Variants in FAIM2 observed in about 807,000 individuals in gnomAD.
FAIM2 encodes the protein protein lifeguard 2.
FAIM2 carries 27 observed loss-of-function variants against 47.4 expected under a neutral mutation model. That is an observed-to-expected ratio of 0.57 (90% CI 0.42 to 0.78). The LOEUF is 0.78. Ranked by LOEUF, FAIM2 falls within the 30% of genes least tolerant of loss-of-function variation. The pLI is 0.00. For missense variants in FAIM2, 311 were observed against 389.4 expected, an observed-to-expected ratio of 0.80 and a Z score of 1.69; for synonymous variants, 156 against 159.3, an observed-to-expected ratio of 0.98 and a Z score of 0.16.
intron 11 of FAIM2, among the ~76,000 whole-genome samples, chr12:49,880,490 GTGTA>G (rs1470338282): frequency 2.3e-5 from 2 of 87,806 alleles, no homozygotes; most frequent in Admixed American, 1.3e-4. Context: ...GTGTATGCAT[GTGTA>G]TGTGTGTGTA....
At chr12:49,903,556 G>A (rs1345511181) in intron 1 of FAIM2, among the ~76,000 whole-genome samples, 1 of 152,254 alleles carries the variant, frequency 6.6e-6, no homozygotes, top group East Asian at 1.9e-4. Flanking sequence ...AGCAGGGGTG[G>A]CAGGGTGACA....
At chr12:49,893,223 C>T (rs540043933) in intron 5 of FAIM2, among the ~76,000 whole-genome samples, 1 of 152,062 alleles carries the variant, frequency 6.6e-6, no homozygotes, top group South Asian at 2.1e-4. Flanking sequence ...TGCATTCCCA[C>T]CCACCCCTCT....
intron 5 of FAIM2, among the ~76,000 whole-genome samples, chr12:49,896,082 G>A (rs765731205): frequency 2.6e-5 from 4 of 152,206 alleles, no homozygotes; most frequent in Non-Finnish European, 5.9e-5. Context: ...TGTGGGCTGC[G>A]TGTACAGGCT....
chr12:49,898,059 G>T lies in FAIM2; in HGVS notation c.243C>A (p.Pro81=). 1 of 1,613,934 alleles carries T rather than the reference G, an allele frequency of 6.2e-7. No individual in the cohort carries two copies. Among genetic ancestry groups the T allele is most frequent in the South Asian group, 1.1e-5 (1 of 91,064 alleles). ...SSSSSYDNGF[P]TGDHELFTTF... ...TGGTGAAGAGCTCATGGTCTCCGGT[G>T]GGGAAACCGTTGTCATAGCTGGAGC... The change falls in exon 3 of 12, where the codon CCC becomes CCA. Residue 81 remains proline (P), a synonymous_variant. Coordinates refer to ENST00000320634, the MANE Select transcript of FAIM2 (RefSeq NM_012306.4).
At chr12:49,888,549 G>A (rs892331688) in intron 10 of FAIM2, among the ~76,000 whole-genome samples, 1 of 152,158 alleles carries the variant, frequency 6.6e-6, no homozygotes, top group Non-Finnish European at 1.5e-5. Context: ...GGGCCTGGGT[G>A]CCTGCAGAGT....
rs1388323815 is a variant in FAIM2, at chr12:49,868,855, T to A, written c.*1649A>T. On this transcript the variant is annotated 3_prime_UTR_variant, in exon 12 of 12. Coordinates refer to ENST00000320634, the MANE Select transcript of FAIM2 (RefSeq NM_012306.4). ...CTGCACACACACCACCCGCCAGTTC[T>A]TGGCTCCTTTTCTCTTCAAATATCC... 1 of 152,332 alleles carries A rather than the reference T, an allele frequency of 6.6e-6. No individual in the cohort carries two copies. Among genetic ancestry groups the A allele is most frequent in the African/African-American group, 2.4e-5 (1 of 41,460 alleles). 9.4% of individuals were successfully genotyped at this position (152,332 alleles called of 1,614,324 possible).
chr12:49,881,358 C>G (rs1946824642), intron 11 of FAIM2, among the ~76,000 whole-genome samples: 1 of 152,200 alleles, frequency 6.6e-6, no homozygotes, highest in Admixed American at 6.5e-5. Context: ...GTGAAGAGGT[C>G]TATTCCCATT....
At chr12:49,900,316 T>G in intron 2 of FAIM2, 2 of 897,740 alleles carry the variant, frequency 2.2e-6, no homozygotes, top group East Asian at 7.2e-5. Context: ...CTGCTGGAGG[T>G]GGGGTGATAA....
At position 49,874,346 on chromosome 12, in the gene FAIM2, A is replaced by G. The variant is rs985786981; in HGVS notation, c.802-3693T>C. Reference sequence around the variant, plus strand: ...CGTCCTCATGGTCTTACATGAGGAAAGGAGTCTGAGAGCTGAGTGACTTGC... The same window carrying G: ...CGTCCTCATGGTCTTACATGAGGAAGGGAGTCTGAGAGCTGAGTGACTTGC... On this transcript the variant is annotated intron_variant, in intron 11 of 11. Transcript: ENST00000320634. This position sits in a 1 kb window ranked among gnomAD's most constrained non-coding sequence, Gnocchi z 4.2. Among the ~76,000 whole-genome samples, 12 of 151,960 alleles carry G rather than the reference A, an allele frequency of 7.9e-5. No homozygotes were observed. The highest frequency in any genetic ancestry group is 1.6e-4 in the Non-Finnish European group (11 of 68,016).
intron 11 of FAIM2, among the ~76,000 whole-genome samples, chr12:49,878,671 TGTATGTGTGTATATGTGAGTGTATGTGC>T (rs1946766777): frequency 1.2e-4 from 16 of 135,296 alleles, no homozygotes; most frequent in East Asian, 4.8e-4. Context: ...TGTGCATGTG[TGTATGTGTGTATATGTGAGTGTATGTGC>T]ATGTGTGCAT....
At chr12:49,895,027 G>A (rs74356067) in intron 5 of FAIM2, among the ~76,000 whole-genome samples, 2 of 151,358 alleles carry the variant, frequency 1.3e-5, no homozygotes, top group Non-Finnish European at 2.9e-5. Flanking sequence ...GCCAACTTAG[G>A]GGGCAGGACG....
intron 11 of FAIM2, among the ~76,000 whole-genome samples, chr12:49,875,405 G>A (rs534069421): frequency 3.3e-5 from 5 of 152,254 alleles, no homozygotes; most frequent in Non-Finnish European, 5.9e-5. Flanking sequence ...GTCCAGGTGC[G>A]CCGACTGGGC....
chr12:49,878,392 G>GTGTGTGCGTGTGTGTA, intron 11 of FAIM2, among the ~76,000 whole-genome samples: 1 of 125,238 alleles, frequency 8.0e-6, no homozygotes, highest in East Asian at 2.9e-4. Flanking sequence ...GTGTATATGT[G>GTGTGTGCGTGTGTGTA]TGTGTCTGTG....
intron 11 of FAIM2, among the ~76,000 whole-genome samples, chr12:49,886,569 G>A (rs1486189244): frequency 3.9e-5 from 6 of 152,012 alleles, no homozygotes; most frequent in East Asian, 1.9e-4. Context: ...TCTGCCTCCC[G>A]GGTTCACACC....
intron 11 of FAIM2, among the ~76,000 whole-genome samples, chr12:49,883,741 T>G (rs1211283493): frequency 6.6e-6 from 1 of 152,084 alleles, no homozygotes; most frequent in Non-Finnish European, 1.5e-5. Flanking sequence ...AAGCAGGCTG[T>G]AGAAACGCCT....
chr12:49,898,162 A>G, intron 2 of FAIM2, 72 bp from the exon 3 acceptor site: 2 of 987,310 alleles, frequency 2.0e-6, no homozygotes, highest in Non-Finnish European at 3.0e-6. Flanking sequence ...ACAGCCCCCA[A>G]CTCAAAGCTG....
chr12:49,889,493 G>A lies in FAIM2; in HGVS notation c.639C>T (p.Ser213=), dbSNP rs748673361. The A allele has an allele frequency of 3.1e-6, 5 of 1,614,050 alleles. No individual in the cohort carries two copies. The East Asian group carries it at 8.9e-5, about 29-fold the overall frequency. ...ALVCLSVTVF[S]FQTKFDFTSC... ...CCCCAGAGCTGACCTTGGTCTGGAA[G>A]CTGAAGACGGTGACTGAGAGGCAGA... Residue 213 remains serine, a synonymous_variant, in exon 9 of 12, where the codon AGC becomes AGT. Coordinates refer to ENST00000320634, the MANE Select transcript of FAIM2 (RefSeq NM_012306.4).
chr12:49,901,685 T>C, intron 1 of FAIM2: 1 of 174,990 alleles, frequency 5.7e-6, no homozygotes. Context: ...GGTTATGTCA[T>C]TTAATCTTCC....
At chr12:49,901,865 G>A (rs1946984458) in intron 1 of FAIM2, 2 of 152,384 alleles carry the variant, frequency 1.3e-5, no homozygotes. Flanking sequence ...AGTGATGCAA[G>A]GAGAATGGAG....
Sources: allele counts gnomAD v4.1 joint callset (sites outside exome capture counted in the v4.1 genomes callset), GRCh38; gene constraint gnomAD v4.1.1; non-coding constraint Gnocchi (gnomAD v3.1); transcripts MANE v1.5; gene names NCBI Gene and HGNC (gene_info 2026-07-23, HGNC 2026-07-21).